PLXNA4: variants seen among roughly 807,000 people sequenced by gnomAD.
PLXNA4 encodes plexin A4.
A neutral mutation model predicts 191.8 loss-of-function variants in PLXNA4; 44 were observed. The observed-to-expected ratio is 0.23, with a 90% CI of 0.18 to 0.29. The LOEUF is 0.29. PLXNA4 is among the 10% of genes least tolerant of loss of function. The pLI is 1.00. For missense variants in PLXNA4, 1,800 were observed against 2,488.8 expected, an observed-to-expected ratio of 0.72 and a Z score of 5.89; for synonymous variants, 1,082 against 1,009.5, an observed-to-expected ratio of 1.07 and a Z score of -1.36.
rs750843925 is a variant in PLXNA4 at position 132,148,043 on chromosome 7, C to A, written c.4765-44G>T. ...TCAGGGCCTAGGCACAGCAGCTCTG[C>A]CACTCCAGGAAATAAGGACAAATCA... On this transcript the variant is annotated intron_variant, in intron 26 of 31. Transcript: ENST00000321063. 5.0e-6 allele frequency: 8 copies of A among 1,613,492 alleles called. No individual in the cohort carries two copies. The Admixed American group carries it at 1.3e-4, about 27-fold the overall frequency.
intron 3 of PLXNA4, among the ~76,000 whole-genome samples, chr7:132,382,897 A>G (rs1220673503): frequency 6.6e-6 from 1 of 152,226 alleles, no homozygotes; most frequent in African/African-American, 2.4e-5. Context: ...AAGTATATGC[A>G]TACACAAATG....
intron 9 of PLXNA4, among the ~76,000 whole-genome samples, chr7:132,215,276 A>T (rs1316218321): frequency 2.0e-5 from 3 of 152,224 alleles, no homozygotes; most frequent in Non-Finnish European, 4.4e-5. Flanking sequence ...GTAAAGTTGC[A>T]TGCTCCATGT....
chr7:132,178,934 T>TACAC (rs139917472), intron 20 of PLXNA4, among the ~76,000 whole-genome samples: 1 of 94,524 alleles, frequency 1.1e-5, no homozygotes, highest in Non-Finnish European at 2.0e-5. Context: ...CACATACGCA[T>TACAC]ACACACACGT....
rs559368979 is a variant in PLXNA4, at chr7:132,403,610, C to CT, written c.1371+85681dup. On this transcript the variant is annotated intron_variant, in intron 3 of 31. Transcript: ENST00000321063. Reference sequence around the variant, plus strand: ...AAATTGGCCTGGGTTTAAATTGGGACTTTTTTTTCCCTTCCTGGCCTGGCT... The same window carrying CT: ...AAATTGGCCTGGGTTTAAATTGGGACTTTTTTTTTCCCTTCCTGGCCTGGCT... Among the ~76,000 whole-genome samples, 230 of 152,090 alleles carry CT rather than the reference C, an allele frequency of 1.5e-3. 6 individuals are homozygous for CT. The South Asian group carries it at 0.042, about 28-fold the overall frequency.
chr7:132,623,730 A>T (rs1803318507), intron 2 of PLXNA4, among the ~76,000 whole-genome samples: 1 of 152,236 alleles, frequency 6.6e-6, no homozygotes, highest in African/African-American at 2.4e-5. Context: ...GTTTAAAAAC[A>T]ACCACTCCAA....
chr7:132,495,475 C>T (rs1162818451), intron 2 of PLXNA4, among the ~76,000 whole-genome samples: 1 of 152,152 alleles, frequency 6.6e-6, no homozygotes, highest in Non-Finnish European at 1.5e-5. Context: ...AGGGATGTGC[C>T]ATGCAGCCAA....
At chr7:132,453,370 C>T (rs967931866) in intron 3 of PLXNA4, among the ~76,000 whole-genome samples, 5 of 152,144 alleles carry the variant, frequency 3.3e-5, no homozygotes, top group Non-Finnish European at 7.3e-5. Flanking sequence ...CTGCATCACT[C>T]AGCCCTTGTG....
intron 29 of PLXNA4, among the ~76,000 whole-genome samples, chr7:132,144,089 C>T (rs1795352091): frequency 6.6e-6 from 1 of 152,194 alleles, no homozygotes; most frequent in Non-Finnish European, 1.5e-5. Flanking sequence ...AGCCCTAATG[C>T]TTTGCCCATC....
rs563777404 is a variant in PLXNA4, at chr7:132,312,263, T to G, written c.1372-14041A>C. On this transcript the variant is annotated intron_variant, in intron 3 of 31. Transcript: ENST00000321063. Reference sequence around the variant, plus strand: ...TTAAAATAAGATATTGGAAAACCATTCTCTCCGTCACTGGCCACAGTTATT... The same window carrying G: ...TTAAAATAAGATATTGGAAAACCATGCTCTCCGTCACTGGCCACAGTTATT... Among the ~76,000 whole-genome samples the G allele has an allele frequency of 3.3e-5, 5 of 152,262 alleles. No homozygotes were observed. The South Asian group carries it at 1.0e-3, about 32-fold the overall frequency.
chr7:132,151,269 GA>G (rs1795592582), intron 25 of PLXNA4, among the ~76,000 whole-genome samples: 18 of 104,280 alleles, frequency 1.7e-4, no homozygotes, highest in South Asian at 1.3e-3. Context: ...GGAGGAGGAG[GA>G]AGAAGAAGGA....
intron 3 of PLXNA4, among the ~76,000 whole-genome samples, chr7:132,364,776 A>C (rs1389298582): frequency 6.6e-6 from 1 of 152,238 alleles, no homozygotes; most frequent in African/African-American, 2.4e-5. Flanking sequence ...AGTGGGCTCT[A>C]GGATGGGAAA....
At chr7:132,586,561 G>A (rs572413922) in intron 2 of PLXNA4, among the ~76,000 whole-genome samples, 7 of 152,288 alleles carry the variant, frequency 4.6e-5, no homozygotes, top group Middle Eastern at 3.4e-3. Context: ...GACCAGCCTG[G>A]GCAACATGAT....
intron 31 of PLXNA4, among the ~76,000 whole-genome samples, chr7:132,130,864 G>T (rs774354613): frequency 1.1e-4 from 17 of 152,154 alleles, no homozygotes; most frequent in Non-Finnish European, 1.8e-4. Context: ...GTAGACAGAG[G>T]GCAGAAGCTC....
chr7:132,466,189 CA>C (rs1563115260), intron 3 of PLXNA4, among the ~76,000 whole-genome samples: 1 of 152,162 alleles, frequency 6.6e-6, no homozygotes, highest in Non-Finnish European at 1.5e-5. Flanking sequence ...GAGAGAGGGC[CA>C]GTGTGAAAGG....
chr7:132,306,805 A>G (rs1161582969), intron 3 of PLXNA4, among the ~76,000 whole-genome samples: 4 of 152,178 alleles, frequency 2.6e-5, no homozygotes, highest in Non-Finnish European at 5.9e-5. Flanking sequence ...ATGGGGCCAC[A>G]TCTCAGCTCA....
At chr7:132,608,765 G>A (rs900338248) in intron 2 of PLXNA4, among the ~76,000 whole-genome samples, 14 of 152,022 alleles carry the variant, frequency 9.2e-5, no homozygotes, top group African/African-American at 2.7e-4. Flanking sequence ...CATTCTCCCT[G>A]GTGCAGCCAG....
At chr7:132,278,579 CT>C (rs1341069816) in intron 4 of PLXNA4, among the ~76,000 whole-genome samples, 1 of 152,226 alleles carries the variant, frequency 6.6e-6, no homozygotes, top group Middle Eastern at 3.2e-3. Context: ...AGCCTCTTCA[CT>C]AATGGCCCGA....
intron 1 of PLXNA4, among the ~76,000 whole-genome samples, chr7:132,535,421 C>T (rs530230412): frequency 1.1e-4 from 17 of 152,302 alleles, no homozygotes; most frequent in African/African-American, 3.4e-4. Context: ...GGGGGCCACA[C>T]TCAGGAACCT....
chr7:132,194,031 C>T, intron 14 of PLXNA4, 31 bp downstream of exon 14: 1 of 1,600,978 alleles, frequency 6.2e-7, no homozygotes, highest in East Asian at 2.2e-5. Context: ...GTGGCCTGCA[C>T]CCAGCCAGAT....
Sources: gnomAD v4.1 joint callset for allele counts (sites outside exome capture counted in the v4.1 genomes callset) on GRCh38, gnomAD v4.1.1 for gene constraint, MANE v1.5 for transcripts, NCBI Gene and HGNC (gene_info 2026-07-23, HGNC 2026-07-21) for gene names.